The following TCF20 variants were observed in gnomAD, a reference collection of about 807,000 sequenced individuals.
The protein encoded by TCF20 is SPRE-binding protein.
In TCF20, 3 loss-of-function variants were observed where a neutral mutation model predicts 148.6. The ratio of observed to expected loss-of-function variants is 0.02; its 90% CI spans 0.01 to 0.05. TCF20 has a LOEUF of 0.05. Ranked by LOEUF, TCF20 falls within the 10% of genes least tolerant of loss-of-function variation. The pLI is 1.00. For missense variants in TCF20, 2,350 were observed against 2,429.3 expected, an observed-to-expected ratio of 0.97 and a Z score of 0.69; for synonymous variants, 1,049 against 909.5, an observed-to-expected ratio of 1.15 and a Z score of -2.76.
At chr22:42,336,759 G>A (rs1358567567) in intron 1 of TCF20, among the ~76,000 whole-genome samples, 4 of 152,028 alleles carry the variant, frequency 2.6e-5, no homozygotes, top group Admixed American at 1.3e-4. Context: ...GCCTTTGCAC[G>A]GGCCCCTGAC....
At chr22:42,236,440 C>T (rs975487927) in intron 1 of TCF20, among the ~76,000 whole-genome samples, 1 of 152,082 alleles carries the variant, frequency 6.6e-6, no homozygotes, top group Admixed American at 6.6e-5. Context: ...AGAATGCCGA[C>T]GGAGCGCATT....
intron 2 of TCF20, among the ~76,000 whole-genome samples, chr22:42,198,331 G>A (rs1393747866): frequency 1.3e-5 from 2 of 152,194 alleles, no homozygotes; most frequent in Non-Finnish European, 2.9e-5. Flanking sequence ...GTTGGTTTGA[G>A]GTCTAAATGT....
In TCF20 at chr22:42,214,599, T is replaced by C. The variant is rs1921490795; in HGVS notation, c.707A>G (p.Gln236Arg). ...GGAGGAGGAGGAGGAAGCAGAAGACTGATAGTGTTGGCCAAACTGACCCAC... is the reference window on the plus strand; with the variant it reads ...GGAGGAGGAGGAGGAAGCAGAAGACCGATAGTGTTGGCCAAACTGACCCAC... ...LRVGQFGQHY[Q>R]SSASSSSSSS... Residue 236 changes from glutamine to arginine, a missense_variant, in exon 2 of 6, where the codon CAG (glutamine) becomes CGG (arginine). Gln to Arg is a conservative substitution (Grantham distance 43). Transcript: ENST00000677622. 6.2e-7 allele frequency: 1 copy of C among 1,613,962 alleles called. No homozygotes were observed. The highest frequency in any genetic ancestry group is 1.3e-5 in the African/African-American group (1 of 74,918).
At chr22:42,222,135 T>C (rs1475987161) in intron 1 of TCF20, among the ~76,000 whole-genome samples, 2 of 152,188 alleles carry the variant, frequency 1.3e-5, no homozygotes, top group Non-Finnish European at 2.9e-5. Context: ...GTGTCACTTG[T>C]GACTGTAATC....
chr22:42,211,563 T>G lies in TCF20; in HGVS notation c.3743A>C (p.Gln1248Pro), dbSNP rs1437930256. 1 of 1,614,204 alleles carries G rather than the reference T, an allele frequency of 6.2e-7. No individual in the cohort carries two copies. The highest frequency in any genetic ancestry group is 2.2e-5 in the East Asian group (1 of 44,890). Residue 1248 changes from glutamine to proline, a missense_variant, in exon 2 of 6, where the codon CAA becomes CCA. By Grantham distance (76) the Gln-to-Pro change is moderately conservative (BLOSUM62 -1). This residue lies in a region of TCF20 where 1,641 missense variants were observed against 1,662.6 expected (regional missense o/e 0.99). Transcript: ENST00000677622. Reference protein sequence around the residue: ...RLPGQEDHSSQNPLIMRRRVR... With the variant: ...RLPGQEDHSSPNPLIMRRRVR... ...ACGCCTCCTCATGATTAAGGGGTTT[T>G]GAGAAGAATGATCCTCCTGGCCTGG...
chr22:42,278,281 GC>G (rs1299059694), intron 1 of TCF20: 1 of 152,236 alleles, frequency 6.6e-6, no homozygotes, highest in Non-Finnish European at 1.5e-5. Context: ...CACACGGGCA[GC>G]CCTCTGAGCT....
chr22:42,225,841 C>T (rs1922840273), intron 1 of TCF20, among the ~76,000 whole-genome samples: 1 of 152,130 alleles, frequency 6.6e-6, no homozygotes, highest in South Asian at 2.1e-4. Context: ...GGTTGTTGGA[C>T]ACCACAGTGC....
intron 1 of TCF20, among the ~76,000 whole-genome samples, chr22:42,323,986 A>ATGG (rs1382535431): frequency 6.0e-5 from 2 of 33,292 alleles, no homozygotes; most frequent in Admixed American, 3.8e-4. Flanking sequence ...GGTGGAGGTT[A>ATGG]TGGTGGTGGA....
At chr22:42,190,718 T>C (rs1420825466) in intron 2 of TCF20, among the ~76,000 whole-genome samples, 1 of 152,196 alleles carries the variant, frequency 6.6e-6, no homozygotes, top group African/African-American at 2.4e-5. Context: ...TTAGAGCGTA[T>C]TTTACAGGTC....
Position 42,279,620 on chromosome 22 carries a change from G to A in TCF20, c.-37+4207C>T, listed in dbSNP as rs369635627. Reference sequence around the variant, plus strand: ...AGGGCTGCAGGCACACAGTGACTGCGCTTCTCAGTGCCACAAGTGCTGTTG... The same window carrying A: ...AGGGCTGCAGGCACACAGTGACTGCACTTCTCAGTGCCACAAGTGCTGTTG... On this transcript the variant is annotated intron_variant, in intron 1 of 5. Transcript: ENST00000359486. The surrounding 1 kb of genome is among the most constrained non-coding windows in gnomAD (Gnocchi z 4.3). Among the ~76,000 whole-genome samples, 20 of 152,106 alleles carry A rather than the reference G, an allele frequency of 1.3e-4. No individual in the cohort carries two copies. The highest frequency in any genetic ancestry group is 3.6e-4 in the African/African-American group (15 of 41,380).
At chr22:42,179,375 GA>G (rs537303519) in intron 3 of TCF20, among the ~76,000 whole-genome samples, 2 of 146,822 alleles carry the variant, frequency 1.4e-5, no homozygotes, top group African/African-American at 5.0e-5. Context: ...AGCTTAAAGG[GA>G]AAAAAAAATC....
intron 2 of TCF20, among the ~76,000 whole-genome samples, chr22:42,182,906 TTTG>T (rs1368463040): frequency 2.0e-5 from 3 of 149,758 alleles, no homozygotes; most frequent in African/African-American, 5.0e-5. Flanking sequence ...CTGGCAACTT[TTTG>T]TTTTTTTACT....
chr22:42,333,066 A>G (rs1051620805), intron 1 of TCF20, among the ~76,000 whole-genome samples: 2 of 152,254 alleles, frequency 1.3e-5, no homozygotes, highest in Non-Finnish European at 2.9e-5. Flanking sequence ...CCTCCAAGAA[A>G]AAGTAAAAAC....
At chr22:42,256,136 G>GAT (rs780559140) in intron 1 of TCF20, among the ~76,000 whole-genome samples, 23 of 152,040 alleles carry the variant, frequency 1.5e-4, no homozygotes, top group Non-Finnish European at 2.5e-4. Context: ...TCCCATACTT[G>GAT]ATCAGGAGGG....
chr22:42,204,740 G>T (rs1232495471), intron 2 of TCF20, among the ~76,000 whole-genome samples: 2 of 152,072 alleles, frequency 1.3e-5, no homozygotes, highest in East Asian at 1.9e-4. Flanking sequence ...AGTTACTTGG[G>T]AGGCTGAGGC....
At chr22:42,315,647 G>A (rs1927615949) in intron 1 of TCF20, among the ~76,000 whole-genome samples, 1 of 152,144 alleles carries the variant, frequency 6.6e-6, no homozygotes, top group African/African-American at 2.4e-5. Context: ...ATGAATGAGG[G>A]AAGCCTAGGG....
At chr22:42,183,674 T>C (rs1441017465) in intron 2 of TCF20, among the ~76,000 whole-genome samples, 1 of 152,204 alleles carries the variant, frequency 6.6e-6, no homozygotes, top group South Asian at 2.1e-4. Context: ...TAAGCAGAAC[T>C]GTATTAACAA....
intron 1 of TCF20, among the ~76,000 whole-genome samples, chr22:42,324,134 TG>T (rs1927820725): frequency 1.3e-5 from 2 of 148,964 alleles, no homozygotes; most frequent in East Asian, 2.0e-4. Context: ...ATGGTGGTGG[TG>T]GTGGTGGTGG....
At chr22:42,174,776 C>T (rs1203456160) in intron 3 of TCF20, among the ~76,000 whole-genome samples, 1 of 151,940 alleles carries the variant, frequency 6.6e-6, no homozygotes, top group African/African-American at 2.4e-5. Flanking sequence ...TGGCTCACGC[C>T]TGTAATCCCA....
Sources: allele counts gnomAD v4.1 joint callset (sites outside exome capture counted in the v4.1 genomes callset), GRCh38; gene constraint gnomAD v4.1.1; regional missense constraint gnomAD v4.1.1; non-coding constraint Gnocchi (gnomAD v3.1); transcripts MANE v1.5; gene names NCBI Gene and HGNC (gene_info 2026-07-23, HGNC 2026-07-21).